NALF1: variants seen among roughly 807,000 people sequenced by gnomAD.
NALF1 encodes NALCN channel auxiliary factor 1, also known as family with sequence similarity 155 member A.
NALF1 carries 3 observed loss-of-function variants against 48.4 expected under a neutral mutation model. The observed-to-expected ratio is 0.06, with a 90% CI of 0.03 to 0.16. The LOEUF (loss-of-function observed/expected upper bound fraction) is 0.16, where lower values mean the gene tolerates loss of function less well. Among genes scored for constraint, NALF1 ranks in the 10% least tolerant of loss-of-function variants. The pLI, the probability that NALF1 is intolerant of heterozygous loss-of-function variation, is 1.00. For synonymous variants in NALF1, 262 were observed against 245.7 expected (o/e 1.07, Z -0.62); for missense variants, 526 against 571.5 (o/e 0.92, Z 0.81).
intron 1 of NALF1, among the ~76,000 whole-genome samples, chr13:107,271,814 A>ATTTATATATATATATATT (rs1555329805): frequency 2.9e-5 from 3 of 102,596 alleles, no homozygotes; most frequent in African/African-American, 1.5e-4. Context: ...ATATATATAT[A>ATTTATATATATATATATT]TATTTATATA....
chr13:107,464,525 T>C (rs1206339296), intron 1 of NALF1, among the ~76,000 whole-genome samples: 3 of 152,120 alleles, frequency 2.0e-5, no homozygotes, highest in Non-Finnish European at 4.4e-5. Flanking sequence ...AATTTTTTTT[T>C]TAATTTTTTT....
chr13:107,167,812 T>C lies in NALF1; in HGVS notation c.*2685A>G, dbSNP rs1878697400. The C allele has an allele frequency of 6.6e-6, 1 of 152,208 alleles. No individual in the cohort carries two copies. The highest frequency in any genetic ancestry group is 2.4e-5 in the African/African-American group (1 of 41,444). 9.4% of individuals were successfully genotyped at this position (152,208 alleles called of 1,614,324 possible). On this transcript the variant is annotated 3_prime_UTR_variant, in exon 3 of 3. Transcript: ENST00000375915. ...CTCTTATGTAAAGCAATGGTGGTTTTAGTTTTCCACCTTTTGGTTGGCATT... is the reference window on the plus strand; with the variant it reads ...CTCTTATGTAAAGCAATGGTGGTTTCAGTTTTCCACCTTTTGGTTGGCATT...
intron 1 of NALF1, among the ~76,000 whole-genome samples, chr13:107,819,761 C>CTCTT (rs1879307633): frequency 6.6e-6 from 1 of 151,324 alleles, no homozygotes; most frequent in East Asian, 1.9e-4. Flanking sequence ...AACTCTCTCT[C>CTCTT]TTTCACACAC....
intron 1 of NALF1, among the ~76,000 whole-genome samples, chr13:107,299,435 C>CAAT (rs549026613): frequency 0.027 from 3,399 of 124,026 alleles, 151 homozygotes; most frequent in African/African-American, 0.083. Flanking sequence ...GACTTTGTCT[C>CAAT]AATAATAATA....
In NALF1 at chr13:107,361,848, T is replaced by C. The variant is rs190264820; in HGVS notation, c.916-151093A>G. 4.6e-5 allele frequency among the ~76,000 whole-genome samples: 7 copies of C among 152,326 alleles called. No homozygotes were observed. In the East Asian group the frequency reaches 1.4e-3, roughly 29 times the overall value. On this transcript the variant is annotated intron_variant, in intron 1 of 2. Coordinates refer to ENST00000375915, the MANE Select transcript of NALF1 (RefSeq NM_001080396.3). Reference sequence around the variant, plus strand: ...TCGCTGGTCTTCGCACTTTGCACTTTCTTATCTCCTTAAAGTTAGGCAAGG... The same window carrying C: ...TCGCTGGTCTTCGCACTTTGCACTTCCTTATCTCCTTAAAGTTAGGCAAGG...
chr13:107,607,187 A>C (rs190913714), intron 1 of NALF1, among the ~76,000 whole-genome samples: 30 of 152,344 alleles, frequency 2.0e-4, no homozygotes, highest in Middle Eastern at 3.4e-3. Context: ...CAGGTCGAAG[A>C]CAAAAATCCT....
chr13:107,830,237 C>A (rs936270482), intron 1 of NALF1, among the ~76,000 whole-genome samples: 1 of 152,194 alleles, frequency 6.6e-6, no homozygotes, highest in Non-Finnish European at 1.5e-5. Flanking sequence ...ATCTGTCTTC[C>A]AAAGGCCAAT....
chr13:107,434,162 A>T (rs1324018222), intron 1 of NALF1, among the ~76,000 whole-genome samples: 1 of 152,186 alleles, frequency 6.6e-6, no homozygotes, highest in Non-Finnish European at 1.5e-5. Flanking sequence ...GTCTAGTTTC[A>T]GTGGTGTATA....
chr13:107,220,413 G>C (rs1328780241), intron 1 of NALF1, among the ~76,000 whole-genome samples: 2 of 152,182 alleles, frequency 1.3e-5, no homozygotes, highest in Non-Finnish European at 2.9e-5. Flanking sequence ...TCAGAAAAAT[G>C]CCAGTGATTC....
chr13:107,452,190 T>C (rs996672061), intron 1 of NALF1, among the ~76,000 whole-genome samples: 2 of 151,792 alleles, frequency 1.3e-5, no homozygotes, highest in African/African-American at 4.8e-5. Flanking sequence ...CTCTTCCTCC[T>C]GCCCATATCT....
chr13:107,834,650 A>C (rs1042808699), intron 1 of NALF1, among the ~76,000 whole-genome samples: 17 of 152,248 alleles, frequency 1.1e-4, no homozygotes, highest in Admixed American at 3.3e-4. Flanking sequence ...ATTTTTTTAC[A>C]AGAAAAAATA....
chr13:107,539,190 A>G (rs1876928387), intron 1 of NALF1, among the ~76,000 whole-genome samples: 1 of 151,986 alleles, frequency 6.6e-6, no homozygotes, highest in African/African-American at 2.4e-5. Flanking sequence ...CAAGAAAATA[A>G]GCTCATTCAA....
intron 2 of NALF1, among the ~76,000 whole-genome samples, chr13:107,171,781 C>T (rs1878810438): frequency 6.6e-6 from 1 of 151,290 alleles, no homozygotes; most frequent in African/African-American, 2.4e-5. Context: ...AACCATTTAT[C>T]CATGGGTGTT....
intron 2 of NALF1, among the ~76,000 whole-genome samples, chr13:107,191,670 AT>A (rs71204820): frequency 2.0e-3 from 287 of 141,902 alleles, no homozygotes; most frequent in Middle Eastern, 3.7e-3. Context: ...AAAATTCTTA[AT>A]TTTTTTTTTT....
intron 1 of NALF1, among the ~76,000 whole-genome samples, chr13:107,691,412 C>T (rs949572901): frequency 6.6e-6 from 1 of 152,228 alleles, no homozygotes; most frequent in Non-Finnish European, 1.5e-5. Context: ...CCAGGACATA[C>T]TTTCCTTCTG....
At chr13:107,396,523 G>A (rs750970710) in intron 1 of NALF1, among the ~76,000 whole-genome samples, 2 of 152,128 alleles carry the variant, frequency 1.3e-5, no homozygotes, top group Non-Finnish European at 2.9e-5. Flanking sequence ...AAAGCACTCC[G>A]GGGGACTGAG....
At chr13:107,249,638 C>T (rs1594088968) in intron 1 of NALF1, among the ~76,000 whole-genome samples, 1 of 116,788 alleles carries the variant, frequency 8.6e-6, no homozygotes, top group African/African-American at 3.5e-5. Context: ...AACTATTTCA[C>T]TATGTCATTT....
chr13:107,720,001 C>T (rs535223571), intron 1 of NALF1, among the ~76,000 whole-genome samples: 3 of 152,272 alleles, frequency 2.0e-5, no homozygotes, highest in African/African-American at 4.8e-5. Flanking sequence ...CATCTCCACT[C>T]GCTTTGTCAC....
chr13:107,471,917 T>A (rs1594081302), intron 1 of NALF1, among the ~76,000 whole-genome samples: 1 of 152,200 alleles, frequency 6.6e-6, no homozygotes, highest in Non-Finnish European at 1.5e-5. Context: ...GTCTCTCCAA[T>A]TATTAAAACA....
Sources: allele counts gnomAD v4.1 joint callset (sites outside exome capture counted in the v4.1 genomes callset), GRCh38; gene constraint gnomAD v4.1.1; transcripts MANE v1.5; gene names NCBI Gene and HGNC (gene_info 2026-07-23, HGNC 2026-07-21).